The following SUPT7L variants were observed in gnomAD, a reference collection of about 807,000 sequenced individuals.
The protein encoded by SUPT7L is SPT7 like, STAGA complex subunit gamma.
SUPT7L carries 15 observed loss-of-function variants against 35.7 expected under a neutral mutation model. The ratio of observed to expected loss-of-function variants is 0.42; its 90% CI spans 0.28 to 0.65. The LOEUF (loss-of-function observed/expected upper bound fraction) is 0.65. Ranked by LOEUF, SUPT7L falls within the 30% of genes least tolerant of loss-of-function variation. SUPT7L has a pLI of 0.23. For missense variants in SUPT7L, 434 were observed against 522.2 expected (o/e 0.83, Z 1.65); for synonymous variants, 168 against 186.2 (o/e 0.90, Z 0.79).
At chr2:27,659,137 G>A (rs1214949774) in intron 3 of SUPT7L, among the ~76,000 whole-genome samples, 10 of 152,152 alleles carry the variant, frequency 6.6e-5, no homozygotes, top group Admixed American at 5.2e-4. Flanking sequence ...TGAGTTGGGC[G>A]TGTCTATGCT....
chr2:27,653,308 T>C lies in SUPT7L; in HGVS notation c.*177A>G. Reference sequence around the variant, plus strand: ...CTTGGTTGTGGAAAACTATAAAAACTGGATGCAAAAGTAAAATGCAACCTT... The same window carrying C: ...CTTGGTTGTGGAAAACTATAAAAACCGGATGCAAAAGTAAAATGCAACCTT... On this transcript the variant is annotated 3_prime_UTR_variant, in exon 6 of 6. Transcript: ENST00000337768. The C allele has an allele frequency of 1.2e-6, 1 of 859,844 alleles. No homozygotes were observed. Among genetic ancestry groups the C allele is most frequent in the East Asian group, 2.7e-5 (1 of 37,718 alleles). The allele number at this position is 859,844 out of a possible 1,614,324, so 53.3% of individuals were successfully genotyped here.
chr2:27,663,509 A>G lies in SUPT7L; in HGVS notation c.-270T>C, dbSNP rs575245941. On this transcript the variant is annotated 5_prime_UTR_variant, in exon 1 of 6. Transcript: ENST00000337768. ...AACCGAGACAAGGAGGTACCACACT[A>G]TTCACTGCTGCGTCGCAGAGCGGGC... 2.6e-5 allele frequency: 13 copies of G among 490,644 alleles called. No homozygotes were observed. The highest frequency in any genetic ancestry group is 4.8e-5 in the Non-Finnish European group (13 of 269,948). 30.4% of individuals were successfully genotyped at this position (490,644 alleles called of 1,614,324 possible).
intron 2 of SUPT7L, chr2:27,661,714 T>A: frequency 1.1e-6 from 1 of 917,270 alleles, no homozygotes; most frequent in Non-Finnish European, 1.4e-6. Flanking sequence ...GACCAATAGC[T>A]ACAACAGCAT....
At chr2:27,659,034 C>T (rs1429540308) in intron 3 of SUPT7L, among the ~76,000 whole-genome samples, 1 of 152,000 alleles carries the variant, frequency 6.6e-6, no homozygotes. Flanking sequence ...GAATAAACAG[C>T]ATCAATTTAA....
At chr2:27,661,940 C>A in intron 2 of SUPT7L, 1 of 580,488 alleles carries the variant, frequency 1.7e-6, no homozygotes, top group Non-Finnish European at 3.0e-6. Context: ...ATTTATGAAC[C>A]ATTAATCTAA....
rs1012224225 is a variant in SUPT7L at position 27,657,938 on chromosome 2, A to G, written c.420-269T>C. On this transcript the variant is annotated intron_variant, in intron 3 of 5. Transcript: ENST00000337768. The surrounding 1 kb of genome is among the most constrained non-coding windows in gnomAD (Gnocchi z 5.2). The stretch of plus-strand genomic sequence containing the variant: ...ATCCAAAAGGATATCTAGTGAAAAG[A>G]AAGTTTCCTTCTAGCAACTGTTCAA... Among the ~76,000 whole-genome samples, 1 of 152,240 alleles carries G rather than the reference A, an allele frequency of 6.6e-6. No individual in the cohort carries two copies. The highest frequency in any genetic ancestry group is 2.4e-5 in the African/African-American group (1 of 41,470).
chr2:27,650,193 A>G (rs1266724143), downstream of SUPT7L: 2 of 1,578,052 alleles, frequency 1.3e-6, no homozygotes, highest in East Asian at 2.2e-5. Context: ...AAGAGAAACA[A>G]TAAATAGGAG....
intron 2 of SUPT7L, 175 bp from the exon 3 acceptor site, chr2:27,661,563 G>A (rs769725055): frequency 5.7e-5 from 81 of 1,429,606 alleles, no homozygotes; most frequent in Non-Finnish European, 7.3e-5. Context: ...TTAGAAAAAT[G>A]TCAGTGTCAG....
At chr2:27,648,249 G>A (rs1674340433), downstream of SUPT7L, among the ~76,000 whole-genome samples, 1 of 152,142 alleles carries the variant, frequency 6.6e-6, no homozygotes. Flanking sequence ...GCTGGGTGTG[G>A]TGGCTCATGC....
Position 27,662,176 on chromosome 2 carries a change from C to T in SUPT7L, c.14+3G>A. ...CAAAATTCACAATCTGGTTTCAACT[C>T]ACCTTTGCAGATTCATTGTCCATAT... On this transcript the variant is annotated splice_donor_region_variant and intron_variant, in intron 2 of 5. Coordinates refer to ENST00000337768, the MANE Select transcript of SUPT7L (RefSeq NM_014860.3). 1.2e-6 allele frequency: 2 copies of T among 1,614,156 alleles called. No homozygotes were observed. Among genetic ancestry groups the T allele is most frequent in the South Asian group, 1.1e-5 (1 of 91,070 alleles).
downstream of SUPT7L, chr2:27,650,200 G>A: frequency 6.4e-7 from 1 of 1,555,696 alleles, no homozygotes; most frequent in Non-Finnish European, 8.9e-7. Context: ...ACAATAAATA[G>A]GAGACTTTAG....
intron 5 of SUPT7L, 25 bp from the exon 6 acceptor site, chr2:27,653,772 TA>T: frequency 1.9e-6 from 3 of 1,614,056 alleles, no homozygotes; most frequent in Non-Finnish European, 2.5e-6. Context: ...AAGATGGACA[TA>T]CACCAAGTGT....
At chr2:27,642,745 G>A in the SUPT7L span, among the ~76,000 whole-genome samples, 1 of 151,708 alleles carries the variant, frequency 6.6e-6, no homozygotes, top group Non-Finnish European at 1.5e-5. Context: ...TGTATTTTTA[G>A]TAGAGATGGG....
downstream of SUPT7L, among the ~76,000 whole-genome samples, chr2:27,649,003 G>C (rs1469471136): frequency 2.6e-5 from 4 of 151,562 alleles, no homozygotes; most frequent in African/African-American, 9.7e-5. Flanking sequence ...CCAGCACTTT[G>C]AGAGCCAAGG....
intron 5 of SUPT7L, among the ~76,000 whole-genome samples, chr2:27,654,187 G>A (rs1231811319): frequency 6.6e-6 from 1 of 152,120 alleles, no homozygotes; most frequent in African/African-American, 2.4e-5. Flanking sequence ...ATTATGAAAA[G>A]TTAATGGTCA....
intron 3 of SUPT7L, among the ~76,000 whole-genome samples, chr2:27,658,152 T>C (rs969274813): frequency 2.6e-5 from 4 of 152,218 alleles, no homozygotes; most frequent in African/African-American, 7.2e-5. Context: ...TAGATTCTTA[T>C]AAAGTTACAA....
Position 27,653,662 on chromosome 2 carries a change from C to T in SUPT7L, c.1068G>A (p.Gly356=). Residue 356 remains glycine (G), a synonymous_variant, in exon 6 of 6, where the codon GGG becomes GGA. Transcript: ENST00000337768. ...AGACATCACTGCCCAGCACACCATG[C>T]CCAGAGACATTGCCTTCTTCACTTT... ...PQESEEGNVS[G]HGVLGSDVFE... 6.2e-7 allele frequency: 1 copy of T among 1,614,162 alleles called. No individual in the cohort carries two copies. The highest frequency in any genetic ancestry group is 1.1e-5 in the South Asian group (1 of 91,080).
At chr2:27,655,987 C>G (rs539382356) in intron 4 of SUPT7L, among the ~76,000 whole-genome samples, 50 of 151,440 alleles carry the variant, frequency 3.3e-4, no homozygotes, top group African/African-American at 1.2e-3. Context: ...GAGTCTGAGA[C>G]CAGCTTGGGC....
downstream of SUPT7L, among the ~76,000 whole-genome samples, chr2:27,646,835 C>T (rs1362850921): frequency 3.9e-5 from 6 of 151,926 alleles, no homozygotes; most frequent in South Asian, 6.2e-4. Flanking sequence ...AAGCTAGTAA[C>T]GGACTGGGTT....
Sources: gnomAD v4.1 joint callset for allele counts (sites outside exome capture counted in the v4.1 genomes callset) on GRCh38, gnomAD v4.1.1 for gene constraint, Gnocchi (gnomAD v3.1) non-coding constraint, MANE v1.5 for transcripts, NCBI Gene and HGNC (gene_info 2026-07-23, HGNC 2026-07-21) for gene names.